Variants in CDH19 observed in about 807,000 individuals in gnomAD.
CDH19 encodes the protein cadherin 19, also known as cadherin-19.
A neutral mutation model predicts 64.2 loss-of-function variants in CDH19; 67 were observed. The ratio of observed to expected loss-of-function variants is 1.04; its 90% confidence interval spans 0.86 to 1.28. The LOEUF (loss-of-function observed/expected upper bound fraction) is 1.28, where lower values mean the gene tolerates loss of function less well. Among genes scored for constraint, CDH19 ranks in the 50% most tolerant of loss-of-function variants. The probability of loss-of-function intolerance (pLI) is 0.00; values close to 1 mark genes in which losing one functional copy is unlikely to be tolerated. For synonymous variants in CDH19, 346 were observed against 319.3 expected (o/e 1.08, Z -0.89); for missense variants, 1,030 against 929.0 (o/e 1.11, Z -1.41).
At chr18:66,523,429 G>A (rs999051313) in intron 9 of CDH19, among the ~76,000 whole-genome samples, 1 of 152,098 alleles carries the variant, frequency 6.6e-6, no homozygotes, top group Non-Finnish European at 1.5e-5. Flanking sequence ...CTTGGAGGAG[G>A]TGCAGCTGCA....
At chr18:66,516,316 G>T (rs1598971363) in intron 9 of CDH19, among the ~76,000 whole-genome samples, 2 of 152,020 alleles carry the variant, frequency 1.3e-5, no homozygotes, top group East Asian at 1.9e-4. Context: ...GCAAGCTATT[G>T]TCATGATCCT....
At chr18:66,550,509 C>T (rs1370727300) in intron 5 of CDH19, among the ~76,000 whole-genome samples, 1 of 152,036 alleles carries the variant, frequency 6.6e-6, no homozygotes, top group Non-Finnish European at 1.5e-5. Flanking sequence ...ATTAGCTGAC[C>T]TTGAGATGGG....
In CDH19 at chr18:66,534,175, C is replaced by T. The variant is rs1354198347; in HGVS notation, c.1336+811G>A. On this transcript the variant is annotated intron_variant, in intron 8 of 11. Transcript: ENST00000262150. ...ATAAACATCTTTGCATTTTCTGACA[C>T]GAGAAGCCTTGACATTTCCTCTGTT... Among the ~76,000 whole-genome samples the T allele has an allele frequency of 3.9e-5, 6 of 151,928 alleles. No individual in the cohort carries two copies. The East Asian group carries it at 7.7e-4, about 20-fold the overall frequency.
At chr18:66,524,549 TA>T (rs1986139331) in intron 9 of CDH19, among the ~76,000 whole-genome samples, 1 of 130,528 alleles carries the variant, frequency 7.7e-6, no homozygotes, top group East Asian at 2.1e-4. Flanking sequence ...TGTGTATATA[TA>T]TATATATATA....
chr18:66,599,673 A>C (rs1988991610), intron 1 of CDH19, among the ~76,000 whole-genome samples: 1 of 152,068 alleles, frequency 6.6e-6, no homozygotes, highest in Admixed American at 6.5e-5. Flanking sequence ...AAATTTATTC[A>C]ATTATAAATT....
chr18:66,588,215 T>C (rs1568211640), intron 1 of CDH19, among the ~76,000 whole-genome samples: 3 of 152,078 alleles, frequency 2.0e-5, no homozygotes, highest in Non-Finnish European at 1.5e-5. Context: ...CATGTGAGGG[T>C]GATCCTGCAA....
At position 66,544,810 on chromosome 18, in the gene CDH19, T is replaced by C. The variant is rs1178185340; in HGVS notation, c.869A>G (p.Glu290Gly). The C allele has an allele frequency of 6.2e-7, 1 of 1,610,882 alleles. No individual in the cohort carries two copies. The highest frequency in any genetic ancestry group is 1.7e-5 in the Admixed American group (1 of 60,010). The change falls in exon 6 of 12, where the codon GAA becomes GGA. Residue 290 changes from glutamate to glycine, a missense_variant. Glu to Gly is a moderately conservative substitution (Grantham distance 98). Coordinates refer to ENST00000262150, the MANE Select transcript of CDH19 (RefSeq NM_021153.4). ...AYDNDIGENA[E>G]MDYSIEEDDS... is the part of the protein sequence containing the mutation. ...ATCCTCTTCAATGCTGTAATCCATT[T>C]CTGCATTCTCTCCTATGTCATTATC...
chr18:66,544,509 T>C, intron 6 of CDH19, among the ~76,000 whole-genome samples: 1 of 152,128 alleles, frequency 6.6e-6, no homozygotes, highest in Admixed American at 6.5e-5. Context: ...TTCCAAAAAG[T>C]TTTATTATTA....
In CDH19 at chr18:66,501,627, T is replaced by C. The variant is rs1056522135; in HGVS notation, c.*3185A>G. On this transcript the variant is annotated 3_prime_UTR_variant, in exon 12 of 12. Transcript: ENST00000262150. ...TCAGAATTGGAAAAGAAACAGACCA[T>C]GTGTTCCAATAGAATACCATTAGCT... 3.9e-5 allele frequency: 6 copies of C among 152,130 alleles called. No homozygotes were observed. The highest frequency in any genetic ancestry group is 5.9e-5 in the Non-Finnish European group (4 of 68,012). The allele number at this position is 152,130 out of a possible 1,614,324, so 9.4% of individuals were successfully genotyped here.
intron 5 of CDH19, 40 bp from the exon 6 acceptor site, chr18:66,544,943 A>C (rs763733057): frequency 1.5e-6 from 2 of 1,351,170 alleles, no homozygotes; most frequent in African/African-American, 3.0e-5. Flanking sequence ...ATAAATACTT[A>C]ATATAGACAA....
At chr18:66,514,603 A>C (rs1985650731) in intron 9 of CDH19, among the ~76,000 whole-genome samples, 1 of 151,520 alleles carries the variant, frequency 6.6e-6, no homozygotes, top group Non-Finnish European at 1.5e-5. Context: ...ATTAAAGATG[A>C]CCTACTAATG....
rs1210561669 is a variant in CDH19, at chr18:66,544,301, G to A, written c.961-77C>T. ...ACTATTTAGAAAAAAGGTTTTACCT[G>A]TTAAATTAAGTCTCAGTGGCCTTTC... On this transcript the variant is annotated intron_variant, in intron 6 of 11. Transcript: ENST00000262150. The A allele has an allele frequency of 1.8e-5, 24 of 1,353,362 alleles. No homozygotes were observed. The Admixed American group carries it at 5.9e-4, about 33-fold the overall frequency. 83.8% of individuals were successfully genotyped at this position (1,353,362 alleles called of 1,614,324 possible). A position where few individuals can be genotyped will look rare whatever the true frequency, so the allele number is the denominator to read the frequency against.
intron 11 of CDH19, among the ~76,000 whole-genome samples, chr18:66,506,843 A>G (rs1313083684): frequency 1.3e-5 from 2 of 151,974 alleles, no homozygotes; most frequent in East Asian, 1.9e-4. Context: ...GTATTTATAT[A>G]AAACTTGCAT....
chr18:66,591,287 C>A (rs1459902046), intron 1 of CDH19, among the ~76,000 whole-genome samples: 1 of 151,874 alleles, frequency 6.6e-6, no homozygotes, highest in Non-Finnish European at 1.5e-5. Flanking sequence ...TGTCTGACTT[C>A]TTTAAATAAA....
intron 1 of CDH19, among the ~76,000 whole-genome samples, chr18:66,574,519 C>A (rs1432846840): frequency 6.6e-6 from 1 of 151,186 alleles, no homozygotes; most frequent in Non-Finnish European, 1.5e-5. Flanking sequence ...AACAGTTAAA[C>A]TGAAGACAAA....
chr18:66,571,336 A>G (rs1943321), intron 2 of CDH19, among the ~76,000 whole-genome samples: 28,659 of 151,502 alleles, frequency 0.19, 3,694 homozygotes, highest in East Asian at 0.44. Context: ...TTTTAGTGCC[A>G]GTTAATTAGC....
chr18:66,544,807 A>G lies in CDH19; in HGVS notation c.872T>C (p.Met291Thr), dbSNP rs774725385. The change falls in exon 6 of 12, where the codon ATG (methionine) becomes ACG (threonine). Residue 291 changes from methionine to threonine, a missense_variant. Transcript: ENST00000262150. ...ATCATCCTCTTCAATGCTGTAATCC[A>G]TTTCTGCATTCTCTCCTATGTCATT... ...YDNDIGENAE[M>T]DYSIEEDDSQ... 1.2e-6 allele frequency: 2 copies of G among 1,612,530 alleles called. No individual in the cohort carries two copies. Among genetic ancestry groups the G allele is most frequent in the South Asian group, 2.2e-5 (2 of 91,014 alleles).
At chr18:66,585,353 T>C (rs1988545863) in intron 1 of CDH19, among the ~76,000 whole-genome samples, 2 of 152,092 alleles carry the variant, frequency 1.3e-5, no homozygotes, top group Admixed American at 1.3e-4. Context: ...GATGGAATGT[T>C]CTAAAGACAG....
At chr18:66,563,104 TA>T (rs1372799717) in intron 3 of CDH19, among the ~76,000 whole-genome samples, 2 of 152,028 alleles carry the variant, frequency 1.3e-5, no homozygotes, top group East Asian at 3.9e-4. Context: ...CAAAAAATCA[TA>T]AAAAGTGAAA....
Sources: allele counts gnomAD v4.1 joint callset (sites outside exome capture counted in the v4.1 genomes callset), GRCh38; gene constraint gnomAD v4.1.1; transcripts MANE v1.5; gene names NCBI Gene and HGNC (gene_info 2026-07-23, HGNC 2026-07-21).